The following FMN2 variants were observed in gnomAD, a reference collection of about 807,000 sequenced individuals.
FMN2 encodes the protein formin-2.
FMN2 carries 51 observed loss-of-function variants against 142.3 expected under a neutral mutation model. The ratio of observed to expected loss-of-function variants is 0.36; its 90% CI spans 0.29 to 0.45. The LOEUF is 0.45. FMN2 is among the 20% of genes least tolerant of loss of function. FMN2 has a pLI of 1.00. For missense variants in FMN2, 1,936 were observed against 2,122.8 expected (o/e 0.91, Z 1.73); for synonymous variants, 882 against 869.8 (o/e 1.01, Z -0.25).
At chr1:240,428,059 T>G (rs1462015189) in intron 15 of FMN2, among the ~76,000 whole-genome samples, 1 of 142,618 alleles carries the variant, frequency 7.0e-6, no homozygotes, top group African/African-American at 3.1e-5. Context: ...CAGGATTCTT[T>G]CCTTTAGTTT....
chr1:240,136,829 T>C (rs6688816), intron 2 of FMN2, among the ~76,000 whole-genome samples: 72,214 of 151,896 alleles, frequency 0.48, 18,494 homozygotes, highest in East Asian at 0.77. Context: ...TCCCAGCACT[T>C]TGGGAGGCCA....
At chr1:240,374,163 T>A (rs1029165984) in intron 14 of FMN2, among the ~76,000 whole-genome samples, 7 of 152,194 alleles carry the variant, frequency 4.6e-5, no homozygotes, top group Non-Finnish European at 1.0e-4. Flanking sequence ...CAATAAACCA[T>A]GCTGTAAGCA....
chr1:240,450,448 C>G (rs1675971601), intron 16 of FMN2, among the ~76,000 whole-genome samples: 1 of 152,178 alleles, frequency 6.6e-6, no homozygotes, highest in Non-Finnish European at 1.5e-5. Context: ...GAATGTCTTT[C>G]TAAGTCTGAA....
In FMN2 at chr1:240,106,544, A is replaced by G. The variant is rs555100546; in HGVS notation, c.1615+12820A>G. On this transcript the variant is annotated intron_variant, in intron 1 of 17. Transcript: ENST00000319653. ...AACAAAGCTCTTTACCCAGTTTCTT[A>G]AGCCAGAAATTTGGAAGTGCAAGTT... 2.0e-4 allele frequency among the ~76,000 whole-genome samples: 30 copies of G among 152,266 alleles called. No individual in the cohort carries two copies. The East Asian group carries it at 5.8e-3, about 29-fold the overall frequency.
chr1:240,233,579 A>G (rs1415408293), intron 6 of FMN2, among the ~76,000 whole-genome samples: 1 of 152,206 alleles, frequency 6.6e-6, no homozygotes, highest in Non-Finnish European at 1.5e-5. Flanking sequence ...AAAAATTCAC[A>G]TTTGAAAGAT....
intron 6 of FMN2, among the ~76,000 whole-genome samples, chr1:240,219,520 A>C (rs1168246849): frequency 6.6e-6 from 1 of 152,200 alleles, no homozygotes; most frequent in Non-Finnish European, 1.5e-5. Context: ...GCATAAGTTT[A>C]AGATTTAGAA....
rs561385656 is a variant in FMN2, at chr1:240,370,671, T to C, written c.4858+14763T>C. 4.6e-4 allele frequency among the ~76,000 whole-genome samples: 70 copies of C among 152,250 alleles called. 1 individual carries two copies. The highest frequency in any genetic ancestry group is 4.1e-3 in the South Asian group (20 of 4,822). ...CTTTGCTCACATGTGTCCACTCCAC[T>C]CTAATCCCATTGCATCAACCTATCT... On this transcript the variant is annotated intron_variant, in intron 14 of 17. Transcript: ENST00000319653.
At chr1:240,178,724 G>A (rs931054747) in intron 3 of FMN2, among the ~76,000 whole-genome samples, 5 of 152,010 alleles carry the variant, frequency 3.3e-5, no homozygotes, top group Admixed American at 6.6e-5. Flanking sequence ...ATGAGCCACC[G>A]CACCTGGGCT....
chr1:240,121,037 T>C (rs986370577), intron 1 of FMN2, among the ~76,000 whole-genome samples: 15 of 152,128 alleles, frequency 9.9e-5, no homozygotes, highest in Non-Finnish European at 1.2e-4. Context: ...GGTGCATGCC[T>C]GTAGTCCCAG....
At chr1:240,251,634 G>T (rs1487552473) in intron 6 of FMN2, among the ~76,000 whole-genome samples, 1 of 152,068 alleles carries the variant, frequency 6.6e-6, no homozygotes, top group Non-Finnish European at 1.5e-5. Context: ...TTAATTTTCT[G>T]TCTAGATGAT....
intron 2 of FMN2, among the ~76,000 whole-genome samples, chr1:240,140,299 A>G (rs1032399644): frequency 2.0e-5 from 3 of 152,178 alleles, no homozygotes; most frequent in African/African-American, 7.2e-5. Context: ...CTTTACAATT[A>G]TTAACTGTTT....
At chr1:240,178,138 C>T in intron 3 of FMN2, 70 bp downstream of exon 3, 1 of 1,372,574 alleles carries the variant, frequency 7.3e-7, no homozygotes, top group African/African-American at 1.5e-5. Flanking sequence ...TTTATTAAAT[C>T]TTAGTTTTAA....
At chr1:240,354,325 G>A (rs1672195112) in intron 13 of FMN2, among the ~76,000 whole-genome samples, 1 of 152,156 alleles carries the variant, frequency 6.6e-6, no homozygotes, top group Non-Finnish European at 1.5e-5. Flanking sequence ...CAGGATGTTG[G>A]AATAAAGAGA....
At chr1:240,195,155 C>G (rs146787072) in intron 4 of FMN2, among the ~76,000 whole-genome samples, 15 of 152,244 alleles carry the variant, frequency 9.9e-5, no homozygotes, top group African/African-American at 3.6e-4. Flanking sequence ...TTATTTGGAG[C>G]CCCCAAATCA....
chr1:240,160,824 T>A (rs921646141), intron 2 of FMN2, among the ~76,000 whole-genome samples: 7 of 152,148 alleles, frequency 4.6e-5, no homozygotes, highest in African/African-American at 1.7e-4. Flanking sequence ...GATGTGATTG[T>A]ATATGTAAAA....
intron 4 of FMN2, among the ~76,000 whole-genome samples, chr1:240,189,258 C>T (rs1665609826): frequency 6.6e-6 from 1 of 151,452 alleles, no homozygotes; most frequent in African/African-American, 2.4e-5. Context: ...AAAACCATTG[C>T]TTACAAACCA....
At chr1:240,409,255 G>A (rs1255932239) in intron 15 of FMN2, among the ~76,000 whole-genome samples, 2 of 152,060 alleles carry the variant, frequency 1.3e-5, no homozygotes, top group Non-Finnish European at 2.9e-5. Context: ...CGATTCTCCT[G>A]CCTCAGCCAC....
At chr1:240,246,033 A>T (rs1668070974) in intron 6 of FMN2, among the ~76,000 whole-genome samples, 1 of 152,092 alleles carries the variant, frequency 6.6e-6, no homozygotes, top group Non-Finnish European at 1.5e-5. Flanking sequence ...ACAAAAAATT[A>T]GCCGGGCATG....
At chr1:240,338,998 G>T (rs949116294) in intron 13 of FMN2, among the ~76,000 whole-genome samples, 10 of 152,148 alleles carry the variant, frequency 6.6e-5, no homozygotes, top group African/African-American at 2.4e-4. Context: ...GCAGTTCACG[G>T]TAGGGTCCTG....
Sources: allele counts gnomAD v4.1 joint callset (sites outside exome capture counted in the v4.1 genomes callset), GRCh38; gene constraint gnomAD v4.1.1; transcripts MANE v1.5; gene names NCBI Gene and HGNC (gene_info 2026-07-23, HGNC 2026-07-21).